Variants in XKR4 observed in about 807,000 individuals in gnomAD.
The protein encoded by XKR4 is XK related 4.
A neutral mutation model predicts 53.9 loss-of-function variants in XKR4; 12 were observed. The observed-to-expected ratio is 0.22, with a 90% CI of 0.14 to 0.36. XKR4 has a LOEUF of 0.36. Ranked by LOEUF, XKR4 falls within the 10% of genes least tolerant of loss-of-function variation. The pLI is 1.00. For synonymous variants in XKR4, 354 were observed against 362.4 expected, an observed-to-expected ratio of 0.98 and a Z score of 0.26; for missense variants, 799 against 859.5, an observed-to-expected ratio of 0.93 and a Z score of 0.88.
chr8:55,418,363 C>A (rs1338199096), intron 2 of XKR4, among the ~76,000 whole-genome samples: 1 of 152,194 alleles, frequency 6.6e-6, no homozygotes, highest in Admixed American at 6.5e-5. Flanking sequence ...CAAATCCATT[C>A]TTCTAGTTGT....
rs56186711 is a variant in XKR4 at position 55,140,257 on chromosome 8, T to G, written c.806+36963T>G. On this transcript the variant is annotated intron_variant, in intron 1 of 2. Coordinates refer to ENST00000327381, the MANE Select transcript of XKR4 (RefSeq NM_052898.2). ...TAGTTTCAAATCATAGATTCCATTT[T>G]AACTCTTAGGAAGGGAAGTGTGACA... 1.8e-3 allele frequency: 544 copies of G among 307,386 alleles called. 3 individuals carry two copies. Among genetic ancestry groups the G allele is most frequent in the Non-Finnish European group, 2.5e-3 (397 of 155,772 alleles). 19.0% of individuals were successfully genotyped at this position (307,386 alleles called of 1,614,324 possible).
chr8:55,125,333 CG>C (rs544145601), intron 1 of XKR4, among the ~76,000 whole-genome samples: 4,972 of 151,796 alleles, frequency 0.033, 254 homozygotes, highest in African/African-American at 0.11. Flanking sequence ...TGGGTTCAAG[CG>C]ATTGATTCTC....
At chr8:55,157,711 T>G (rs1816927452) in intron 1 of XKR4, among the ~76,000 whole-genome samples, 1 of 152,212 alleles carries the variant, frequency 6.6e-6, no homozygotes, top group South Asian at 2.1e-4. Flanking sequence ...TGTCTGTTGT[T>G]GCCTTCCTTG....
At chr8:55,412,972 T>A (rs538922926) in intron 2 of XKR4, among the ~76,000 whole-genome samples, 2 of 152,240 alleles carry the variant, frequency 1.3e-5, no homozygotes, top group African/African-American at 4.8e-5. Flanking sequence ...ACGATCCTCA[T>A]GTTTAAGTCA....
intron 2 of XKR4, among the ~76,000 whole-genome samples, chr8:55,422,249 T>C (rs548950436): frequency 6.6e-6 from 1 of 152,280 alleles, no homozygotes; most frequent in South Asian, 2.1e-4. Context: ...ATATAAAAAA[T>C]ATAAAGTTGA....
intron 1 of XKR4, among the ~76,000 whole-genome samples, chr8:55,239,797 C>T (rs753085525): frequency 2.4e-4 from 36 of 152,164 alleles, no homozygotes; most frequent in African/African-American, 7.7e-4. Flanking sequence ...CATTCCATCC[C>T]GCAGCTTTCA....
intron 1 of XKR4, among the ~76,000 whole-genome samples, chr8:55,114,839 C>A (rs1392669266): frequency 1.3e-5 from 2 of 152,152 alleles, no homozygotes; most frequent in African/African-American, 2.4e-5. Context: ...CTGAAATAAG[C>A]AACCAGTGTT....
At chr8:55,252,414 T>C (rs1818374037) in intron 1 of XKR4, among the ~76,000 whole-genome samples, 1 of 152,222 alleles carries the variant, frequency 6.6e-6, no homozygotes, top group South Asian at 2.1e-4. Flanking sequence ...TTTTGTTTTA[T>C]TGTGTATTTT....
intron 2 of XKR4, among the ~76,000 whole-genome samples, chr8:55,461,233 C>T (rs2135539): frequency 0.41 from 62,413 of 152,058 alleles, 13,449 homozygotes; most frequent in East Asian, 0.53. Flanking sequence ...CCAGTAGGGG[C>T]GGACTGACAC....
At chr8:55,149,083 T>C (rs1816807655) in intron 1 of XKR4, among the ~76,000 whole-genome samples, 1 of 152,240 alleles carries the variant, frequency 6.6e-6, no homozygotes, top group Non-Finnish European at 1.5e-5. Flanking sequence ...ATTTAATCTT[T>C]GCCTAGAAAC....
intron 2 of XKR4, among the ~76,000 whole-genome samples, chr8:55,482,726 AG>A (rs1806130699): frequency 6.6e-6 from 1 of 152,156 alleles, no homozygotes; most frequent in African/African-American, 2.4e-5. Context: ...ATACACTCAA[AG>A]GGTTATAATA....
chr8:55,103,435 C>G, intron 1 of XKR4, 141 bp downstream of exon 1: 1 of 1,414,862 alleles, frequency 7.1e-7, no homozygotes, highest in South Asian at 1.6e-5. Context: ...TTCTTTTGAA[C>G]TGGGGCTTGC....
At chr8:55,430,395 T>C (rs953570820) in intron 2 of XKR4, among the ~76,000 whole-genome samples, 1 of 152,160 alleles carries the variant, frequency 6.6e-6, no homozygotes, top group Non-Finnish European at 1.5e-5. Context: ...CTGGAAACAA[T>C]CTACATTTCC....
Position 55,103,051 on chromosome 8 carries a change from C to G in XKR4, c.563C>G (p.Pro188Arg), listed in dbSNP as rs751389109. The G allele has an allele frequency of 1.9e-6, 3 of 1,612,836 alleles. No homozygotes were observed. The highest frequency in any genetic ancestry group is 1.7e-5 in the Admixed American group (1 of 59,994). The part of the protein sequence containing the change: ...TAAAASSCPQ[P>R]GADCKTVVGG... ...GCTGCTGCCTCCAGCTGCCCGCAGC[C>G]TGGAGCCGATTGCAAGACGGTGGTC... Residue 188 changes from proline to arginine, a missense_variant, in exon 1 of 3, where the codon CCT becomes CGT. This residue lies in a region of XKR4 where 476 missense variants were observed against 505.4 expected (regional missense o/e 0.94). Coordinates refer to ENST00000327381, the MANE Select transcript of XKR4 (RefSeq NM_052898.2).
intron 2 of XKR4, among the ~76,000 whole-genome samples, chr8:55,404,602 GTTATT>G (rs1481949545): frequency 1.3e-5 from 2 of 152,164 alleles, no homozygotes; most frequent in African/African-American, 4.8e-5. Context: ...TAACCCACTT[GTTATT>G]TTAATTTCTG....
At chr8:55,481,999 G>C (rs557502014) in intron 2 of XKR4, among the ~76,000 whole-genome samples, 8 of 152,126 alleles carry the variant, frequency 5.3e-5, no homozygotes, top group Non-Finnish European at 8.8e-5. Context: ...GATTCCTCAG[G>C]GAACTAGAAG....
At chr8:55,308,319 A>T (rs1819336081) in intron 1 of XKR4, among the ~76,000 whole-genome samples, 1 of 152,208 alleles carries the variant, frequency 6.6e-6, no homozygotes, top group African/African-American at 2.4e-5. Flanking sequence ...TAAAGGAAAG[A>T]GGTTTAATTG....
At position 55,533,762 on chromosome 8, in the gene XKR4, T is replaced by G. The variant is rs1160977813; in HGVS notation, c.*9535T>G. 2.0e-5 allele frequency: 3 copies of G among 152,234 alleles called. No homozygotes were observed. 9.4% of individuals were successfully genotyped at this position (152,234 alleles called of 1,614,324 possible). A position where few individuals can be genotyped will look rare whatever the true frequency, so the allele number is the denominator to read the frequency against. On this transcript the variant is annotated 3_prime_UTR_variant, in exon 3 of 3. Transcript: ENST00000327381. ...ACTTGTAATATTGTAACCAAGCTCCTGCAAGGGAACATTAATCAGTTAGTG... is the reference window on the plus strand; with the variant it reads ...ACTTGTAATATTGTAACCAAGCTCCGGCAAGGGAACATTAATCAGTTAGTG...
chr8:55,179,762 A>C (rs1188231780), intron 1 of XKR4, among the ~76,000 whole-genome samples: 2 of 152,244 alleles, frequency 1.3e-5, no homozygotes, highest in Non-Finnish European at 2.9e-5. Context: ...TATAAGAAAC[A>C]GTGCACTGTG....
Sources: gnomAD v4.1 joint callset for allele counts (sites outside exome capture counted in the v4.1 genomes callset) on GRCh38, gnomAD v4.1.1 for gene constraint, gnomAD v4.1.1 regional missense constraint, MANE v1.5 for transcripts, NCBI Gene and HGNC (gene_info 2026-07-23, HGNC 2026-07-21) for gene names.